The following LTBP4 variants were observed in gnomAD, a reference collection of about 807,000 sequenced individuals.
LTBP4 encodes latent-transforming growth factor beta-binding protein 4.
In LTBP4, 93 loss-of-function variants were observed where a neutral mutation model predicts 180.2. The observed-to-expected ratio is 0.52, with a 90% CI of 0.44 to 0.61. LTBP4 has a LOEUF of 0.61. Ranked by LOEUF, LTBP4 falls within the 20% of genes least tolerant of loss-of-function variation. LTBP4 has a pLI of 0.00. For missense variants in LTBP4, 2,116 were observed against 2,256.5 expected (o/e 0.94, Z 1.26); for synonymous variants, 947 against 934.5 (o/e 1.01, Z -0.24).
chr19:40,617,137 C>G lies in LTBP4; in HGVS notation c.2982C>G (p.Ala994=), dbSNP rs1250853261. ...GCCGGAACCGGTCCTTCTGCGGTGCCCACGCCGTGTGCCAGAACCTGCCCG... is the reference window on the plus strand; with the variant it reads ...GCCGGAACCGGTCCTTCTGCGGTGCGCACGCCGTGTGCCAGAACCTGCCCG... ...DECRNRSFCG[A]HAVCQNLPGS... is the part of the protein sequence containing the mutation. The change falls in exon 21 of 30, where the codon GCC becomes GCG. Residue 994 remains alanine, a synonymous_variant. Transcript: ENST00000396819. The G allele has an allele frequency of 6.2e-7, 1 of 1,613,874 alleles. No individual in the cohort carries two copies. The highest frequency in any genetic ancestry group is 8.5e-7 in the Non-Finnish European group (1 of 1,179,904).
upstream of LTBP4, among the ~76,000 whole-genome samples, chr19:40,600,864 C>A (rs1287647461): frequency 6.6e-6 from 1 of 152,220 alleles, no homozygotes; most frequent in Admixed American, 6.5e-5. The surrounding 1 kb of genome is among the most constrained non-coding windows in gnomAD (Gnocchi z 4.4). Context: ...AGGATCTAGA[C>A]GCCCAATTCC....
intron 22 of LTBP4, 22 bp downstream of exon 22, chr19:40,619,515 A>G (rs750395527): frequency 1.3e-6 from 2 of 1,588,170 alleles, no homozygotes; most frequent in Non-Finnish European, 1.7e-6. Context: ...GTGTCTATTT[A>G]ACTGATGGCG....
In LTBP4 at chr19:40,601,522, C is replaced by T. The variant is rs185400394; in HGVS notation, c.135C>T (p.Cys45=). The T allele has an allele frequency of 6.8e-3, 10,135 of 1,493,690 alleles. 58 individuals are homozygous for T. Among genetic ancestry groups the T allele is most frequent in the Non-Finnish European group, 7.7e-3 (8,741 of 1,128,600 alleles). The allele number at this position is 1,493,690 out of a possible 1,614,324, so 92.5% of individuals were successfully genotyped here. The stretch of plus-strand genomic sequence containing the variant: ...CCCCGGTCGTGTGCGGCCTGCGCTG[C>T]GTCCATGGGCCGACCGGCTCCCGCT... ...RFTPVVCGLR[C]VHGPTGSRCT... Residue 45 remains cysteine (C), a synonymous_variant, in exon 1 of 30, where the codon TGC becomes TGT. Transcript: ENST00000396819.
chr19:40,627,111 G>A lies in LTBP4; in HGVS notation c.4122G>A (p.Leu1374=), dbSNP rs1406955408. The A allele has an allele frequency of 1.9e-6, 3 of 1,613,944 alleles. No individual in the cohort carries two copies. Among genetic ancestry groups the A allele is most frequent in the Non-Finnish European group, 2.5e-6 (3 of 1,179,852 alleles). ...AGGGCCTCCCATATGGGCCTGAGTT[G>A]TACCCACCACCTGCGCTACCCTACG... ...PYQGLPYGPE[L]YPPPALPYDP... Residue 1374 remains leucine (L), a synonymous_variant, in exon 28 of 30, where the codon TTG becomes TTA. Coordinates refer to ENST00000396819, the MANE Select transcript of LTBP4 (RefSeq NM_001042545.2).
Position 40,608,550 on chromosome 19 carries a change from A to T in LTBP4, c.1373A>T (p.Glu458Val). The T allele has an allele frequency of 6.2e-7, 1 of 1,605,614 alleles. No homozygotes were observed. ...EPRPDPRPGPELPLPSIPAWT... is the reference protein window; with the variant it reads ...EPRPDPRPGPVLPLPSIPAWT... ...CGGCCCGATCCCCGGCCCGGCCCTGAGCTTCCCTTGCCCAGCATCCCTGCC... is the reference window on the plus strand; with the variant it reads ...CGGCCCGATCCCCGGCCCGGCCCTGTGCTTCCCTTGCCCAGCATCCCTGCC... The change falls in exon 9 of 30, where the codon GAG (glutamate) becomes GTG (valine). Residue 458 changes from glutamate to valine, a missense_variant. Around this residue, in one of 5 missense-constraint regions of LTBP4, gnomAD observed 877 missense variants for 873.6 expected, o/e 1.00. Transcript: ENST00000396819.
At position 40,629,671 on chromosome 19, in the gene LTBP4, C is replaced by G. The variant is rs551134075; in HGVS notation, c.*121C>G. ...CGCCTGGACCTGGAGAAGGGACCTA[C>G]GGACGCCTGGAAGCTGCGACGCCCT... On this transcript the variant is annotated 3_prime_UTR_variant, in exon 30 of 30. Coordinates refer to ENST00000396819, the MANE Select transcript of LTBP4 (RefSeq NM_001042545.2). This position sits in a 1 kb window ranked among gnomAD's most constrained non-coding sequence, Gnocchi z 4.5. 361 of 1,066,812 alleles carry G rather than the reference C, an allele frequency of 3.4e-4. 1 individual carries two copies. The Middle Eastern group carries it at 6.8e-3, about 20-fold the overall frequency. The allele number at this position is 1,066,812 out of a possible 1,614,324, so 66.1% of individuals were successfully genotyped here. A position where few individuals can be genotyped will look rare whatever the true frequency, so the allele number is the denominator to read the frequency against.
rs762362995 is a variant in LTBP4, at chr19:40,608,260, C to T, written c.1197C>T (p.His399=). The change falls in exon 8 of 30, where the codon CAC becomes CAT. Residue 399 remains histidine (H), a synonymous_variant. Transcript: ENST00000396819. ...REICPAGPGY[H]YSASDLRYNT... Reference sequence around the variant, plus strand: ...TCTGCCCGGCTGGTCCTGGTTACCACTACTCGGCCTCCGACCTCCGCTACA... The same window carrying T: ...TCTGCCCGGCTGGTCCTGGTTACCATTACTCGGCCTCCGACCTCCGCTACA... The T allele has an allele frequency of 6.2e-7, 1 of 1,613,958 alleles. No homozygotes were observed. Among genetic ancestry groups the T allele is most frequent in the Non-Finnish European group, 8.5e-7 (1 of 1,179,882 alleles).
intron 8 of LTBP4, 32 bp downstream of exon 8, chr19:40,608,401 C>T (rs761530215): frequency 6.2e-7 from 1 of 1,607,092 alleles, no homozygotes; most frequent in South Asian, 1.1e-5. Flanking sequence ...TGGGTGCCAT[C>T]TTCAAGGGGC....
At chr19:40,626,938 G>A in intron 27 of LTBP4, 37 bp from the exon 28 acceptor site, 1 of 1,518,452 alleles carries the variant, frequency 6.6e-7, no homozygotes, top group Non-Finnish European at 8.8e-7. Context: ...GTGGGGGCCA[G>A]CAGGGGCTGA....
chr19:40,626,855 C>G, intron 27 of LTBP4, 120 bp from the exon 28 acceptor site: 2 of 1,278,668 alleles, frequency 1.6e-6, no homozygotes, highest in Non-Finnish European at 2.0e-6. Context: ...CTCCAGAAAC[C>G]CCGGGGCCAC....
chr19:40,614,501 G>A, intron 19 of LTBP4, 55 bp downstream of exon 19: 1 of 1,564,024 alleles, frequency 6.4e-7, no homozygotes, highest in Non-Finnish European at 8.6e-7. Context: ...GCTGGAGGCT[G>A]CTCCCTTGGG....
chr19:40,599,084 T>C, upstream of LTBP4: 1 of 910,460 alleles, frequency 1.1e-6, no homozygotes, highest in Non-Finnish European at 1.8e-6. Context: ...GTTAGTCATA[T>C]ACCTGTTTCA....
chr19:40,599,442 GCCAGC>G, upstream of LTBP4: 1 of 1,613,886 alleles, frequency 6.2e-7, no homozygotes, highest in East Asian at 2.2e-5. Context: ...GTCCGAAGCT[GCCAGC>G]CCAAAAAGTG....
chr19:40,627,630 G>C (rs1228919508), intron 28 of LTBP4, 75 bp from the exon 29 acceptor site: 1 of 1,522,216 alleles, frequency 6.6e-7, no homozygotes, highest in African/African-American at 1.4e-5. Flanking sequence ...ATGGAGCCAA[G>C]GACGCGCACC....
In LTBP4 at chr19:40,613,733, G is replaced by A. The variant is rs1482817733; in HGVS notation, c.2558-183G>A. The A allele has an allele frequency of 4.1e-6, 5 of 1,222,386 alleles. No individual in the cohort carries two copies. Among genetic ancestry groups the A allele is most frequent in the Non-Finnish European group, 5.8e-6 (5 of 866,306 alleles). The allele number at this position is 1,222,386 out of a possible 1,614,324, so 75.7% of individuals were successfully genotyped here. A position where few individuals can be genotyped will look rare whatever the true frequency, so the allele number is the denominator to read the frequency against. ...AGGGCCGAGTCTGGGTATTTGGACC[G>A]TGATTGTAAAGAAGCTGTTCTAAAC... is the stretch of plus-strand genomic sequence containing the variant. On this transcript the variant is annotated intron_variant, in intron 17 of 29. Transcript: ENST00000396819. This position sits in a 1 kb window ranked among gnomAD's most constrained non-coding sequence, Gnocchi z 5.0.
At chr19:40,603,095 C>G (rs1298074706) in intron 1 of LTBP4, among the ~76,000 whole-genome samples, 2 of 152,312 alleles carry the variant, frequency 1.3e-5, no homozygotes, top group South Asian at 4.1e-4. Context: ...TTAGAGACCA[C>G]TCCTCCAGTG....
Position 40,612,003 on chromosome 19 carries a change from G to A in LTBP4, c.2179+19G>A. The A allele has an allele frequency of 6.2e-7, 1 of 1,612,884 alleles. No homozygotes were observed. Among genetic ancestry groups the A allele is most frequent in the South Asian group, 1.1e-5 (1 of 90,762 alleles). The stretch of plus-strand genomic sequence containing the variant: ...TGCGAGGGTGAGGCCGGGGAGGGAG[G>A]GAGGAGTGTGGATGGGTGAGGGGGG... On this transcript the variant is annotated intron_variant, in intron 14 of 29. Coordinates refer to ENST00000396819, the MANE Select transcript of LTBP4 (RefSeq NM_001042545.2).
At chr19:40,628,983 G>A (rs2081657187) in intron 29 of LTBP4, among the ~76,000 whole-genome samples, 1 of 151,872 alleles carries the variant, frequency 6.6e-6, no homozygotes, top group Non-Finnish European at 1.5e-5. Context: ...TCGAGTAGCT[G>A]GGATTACAGG....
chr19:40,623,050 A>C (rs766772091), intron 24 of LTBP4, 29 bp downstream of exon 24: 1 of 1,557,458 alleles, frequency 6.4e-7, no homozygotes, highest in Non-Finnish European at 8.7e-7. Context: ...CCTCCACCCC[A>C]CTCAGCTCTG....
Sources: gnomAD v4.1 joint callset for allele counts (sites outside exome capture counted in the v4.1 genomes callset) on GRCh38, gnomAD v4.1.1 for gene constraint, gnomAD v4.1.1 regional missense constraint, Gnocchi (gnomAD v3.1) non-coding constraint, MANE v1.5 for transcripts, NCBI Gene and HGNC (gene_info 2026-07-23, HGNC 2026-07-21) for gene names.